Variants in MRTFB observed in about 807,000 individuals in gnomAD.
MRTFB encodes the protein myocardin-related transcription factor B.
Under a neutral mutation model 104.2 loss-of-function variants are expected in MRTFB, and 29 were observed. The ratio of observed to expected loss-of-function variants is 0.28; its 90% confidence interval spans 0.21 to 0.38. The LOEUF (loss-of-function observed/expected upper bound fraction) is 0.38, where lower values mean the gene tolerates loss of function less well. Ranked by LOEUF, MRTFB falls within the 10% of genes least tolerant of loss-of-function variation. The pLI is 1.00. For synonymous variants in MRTFB, 535 were observed against 519.5 expected, an observed-to-expected ratio of 1.03 and a Z score of -0.41; for missense variants, 1,270 against 1,341.6, an observed-to-expected ratio of 0.95 and a Z score of 0.83.
At chr16:14,028,361 C>A in the MRTFB span, among the ~76,000 whole-genome samples, 1 of 152,142 alleles carries the variant, frequency 6.6e-6, no homozygotes, top group African/African-American at 2.4e-5. Flanking sequence ...TGGCCTTAGG[C>A]TCCTGGATGG....
At chr16:14,089,940 T>C (rs1596769040) in intron 2 of MRTFB, among the ~76,000 whole-genome samples, 1 of 152,348 alleles carries the variant, frequency 6.6e-6, no homozygotes, top group South Asian at 2.1e-4. Context: ...CTTAGAGAAA[T>C]ACCTACTCAA....
chr16:14,015,832 G>A, the MRTFB span: 2 of 398,320 alleles, frequency 5.0e-6, no homozygotes, highest in Non-Finnish European at 8.9e-6. Flanking sequence ...ACCAAAATCA[G>A]TGGGCTTTCC....
intron 3 of MRTFB, among the ~76,000 whole-genome samples, chr16:14,203,805 A>G (rs942189020): frequency 1.3e-4 from 11 of 84,988 alleles, no homozygotes; most frequent in East Asian, 8.1e-4. Flanking sequence ...CTCTGTCTCG[A>G]AAAAAAAAAA....
At chr16:14,018,595 G>C in the MRTFB span, among the ~76,000 whole-genome samples, 1 of 152,058 alleles carries the variant, frequency 6.6e-6, no homozygotes, top group African/African-American at 2.4e-5. Flanking sequence ...GCTTCTCTTG[G>C]GACATCAGGT....
At chr16:14,050,911 C>T in the MRTFB span, among the ~76,000 whole-genome samples, 1 of 152,188 alleles carries the variant, frequency 6.6e-6, no homozygotes, top group Non-Finnish European at 1.5e-5. Context: ...AAGATGTCAT[C>T]GAATTCCTGG....
intron 8 of MRTFB, among the ~76,000 whole-genome samples, chr16:14,225,637 C>T (rs1408978894): frequency 1.3e-5 from 2 of 151,908 alleles, no homozygotes; most frequent in Non-Finnish European, 2.9e-5. Context: ...GGTGGCTGTC[C>T]ACACCTGCCA....
intron 2 of MRTFB, among the ~76,000 whole-genome samples, chr16:14,108,282 G>C (rs2036095978): frequency 6.6e-6 from 1 of 152,214 alleles, no homozygotes; most frequent in Admixed American, 6.5e-5. Flanking sequence ...GACAGAACAA[G>C]TATATATGGA....
At chr16:14,123,302 G>A (rs1007764077) in intron 2 of MRTFB, among the ~76,000 whole-genome samples, 11 of 126,918 alleles carry the variant, frequency 8.7e-5, no homozygotes, top group African/African-American at 4.2e-4. Context: ...TTAATTAGAT[G>A]CCATTGGCTT....
At chr16:14,126,599 A>G (rs1730575013) in intron 2 of MRTFB, among the ~76,000 whole-genome samples, 1 of 152,206 alleles carries the variant, frequency 6.6e-6, no homozygotes, top group African/African-American at 2.4e-5. Context: ...TAATAACACT[A>G]ATTGCTGACA....
intron 8 of MRTFB, among the ~76,000 whole-genome samples, chr16:14,225,843 A>G (rs367652915): frequency 2.6e-5 from 4 of 152,186 alleles, no homozygotes; most frequent in African/African-American, 9.7e-5. Context: ...AGCTGGTCAC[A>G]TCTTCAGACT....
chr16:14,021,678 G>A, the MRTFB span, among the ~76,000 whole-genome samples: 1 of 152,114 alleles, frequency 6.6e-6, no homozygotes, highest in South Asian at 2.1e-4. Flanking sequence ...TACAATGTTT[G>A]GTTTTCCATT....
chr16:14,261,477 G>A lies in MRTFB; in HGVS notation c.*33G>A, dbSNP rs1223147857. On this transcript the variant is annotated 3_prime_UTR_variant, in exon 17 of 17. Coordinates refer to ENST00000571589, the MANE Select transcript of MRTFB (RefSeq NM_001308142.2). ...GATTTCTTTTCTGAGAGTTGATGAG[G>A]TTTAAGAACATGAAGATTCTAAAAG... 2 of 1,539,326 alleles carry A rather than the reference G, an allele frequency of 1.3e-6. No homozygotes were observed. Among genetic ancestry groups the A allele is most frequent in the East Asian group, 2.3e-5 (1 of 44,046 alleles).
the MRTFB span, among the ~76,000 whole-genome samples, chr16:14,053,327 G>C: frequency 6.6e-6 from 1 of 151,950 alleles, no homozygotes; most frequent in Non-Finnish European, 1.5e-5. Context: ...CCATTCATTT[G>C]TTAGACAGTT....
the MRTFB span, among the ~76,000 whole-genome samples, chr16:14,014,584 T>C: frequency 1.3e-3 from 199 of 150,836 alleles, 1 homozygote; most frequent in Non-Finnish European, 1.4e-3. Flanking sequence ...CCAGGCGCAG[T>C]GGCTCACGCC....
chr16:14,132,461 A>T (rs1445623942), intron 2 of MRTFB, among the ~76,000 whole-genome samples: 5 of 152,210 alleles, frequency 3.3e-5, no homozygotes, highest in Admixed American at 1.3e-4. Flanking sequence ...ATTAGAATAG[A>T]TGATCTCATG....
intron 2 of MRTFB, among the ~76,000 whole-genome samples, chr16:14,080,892 T>C (rs1278520454): frequency 6.6e-6 from 1 of 152,246 alleles, no homozygotes; most frequent in Non-Finnish European, 1.5e-5. Context: ...ACATTTTCGT[T>C]ATCCATTCAT....
At chr16:14,039,000 T>C in the MRTFB span, among the ~76,000 whole-genome samples, 1 of 152,164 alleles carries the variant, frequency 6.6e-6, no homozygotes, top group South Asian at 2.1e-4. Flanking sequence ...ACGAGAACAG[T>C]ATGGGGGAAA....
At chr16:14,091,716 C>T (rs796979288) in intron 2 of MRTFB, among the ~76,000 whole-genome samples, 19 of 151,938 alleles carry the variant, frequency 1.3e-4, no homozygotes, top group East Asian at 5.8e-4. Flanking sequence ...CTCCCAAAGC[C>T]GGGCGTGGTG....
chr16:13,995,464 G>C, the MRTFB span, among the ~76,000 whole-genome samples: 3 of 152,150 alleles, frequency 2.0e-5, no homozygotes, highest in African/African-American at 7.2e-5. Flanking sequence ...CTGGTCTGAT[G>C]GTTTAGTGAC....
Sources: allele counts gnomAD v4.1 joint callset (sites outside exome capture counted in the v4.1 genomes callset), GRCh38; gene constraint gnomAD v4.1.1; transcripts MANE v1.5; gene names NCBI Gene and HGNC (gene_info 2026-07-23, HGNC 2026-07-21).